PDZD2: variants seen among roughly 807,000 people sequenced by gnomAD.
PDZD2 encodes the protein PDZ domain containing 2, also known as PDZ domain-containing protein 2.
In PDZD2, 90 loss-of-function variants were observed where a neutral mutation model predicts 220.7. That is an observed-to-expected ratio of 0.41 (90% CI 0.34 to 0.49). The LOEUF (loss-of-function observed/expected upper bound fraction) is 0.49. Among genes scored for constraint, PDZD2 ranks in the 20% least tolerant of loss-of-function variants. The probability of loss-of-function intolerance (pLI) is 0.28; values close to 1 mark genes in which losing one functional copy is unlikely to be tolerated. For missense variants in PDZD2, 3,174 were observed against 3,608.5 expected (o/e 0.88, Z 3.08); for synonymous variants, 1,375 against 1,450.5 (o/e 0.95, Z 1.18).
At chr5:31,994,309 G>GT (rs1222012188) in intron 3 of PDZD2, among the ~76,000 whole-genome samples, 4 of 150,350 alleles carry the variant, frequency 2.7e-5, no homozygotes, top group African/African-American at 9.8e-5. Flanking sequence ...CGCCCAGCCT[G>GT]TTTTTTGTTT....
intron 2 of PDZD2, among the ~76,000 whole-genome samples, chr5:31,956,962 C>T (rs190806420): frequency 6.6e-6 from 1 of 152,148 alleles, no homozygotes; most frequent in African/African-American, 2.4e-5. Flanking sequence ...ACGATCATAC[C>T]TCGCTGTAGC....
intron 1 of PDZD2, among the ~76,000 whole-genome samples, chr5:31,721,889 C>T (rs961787708): frequency 6.6e-6 from 1 of 152,134 alleles, no homozygotes; most frequent in East Asian, 1.9e-4. Context: ...CCCCCTAAAT[C>T]TGTTTCTCCT....
intron 6 of PDZD2, among the ~76,000 whole-genome samples, chr5:32,035,082 T>C (rs1289229957): frequency 6.6e-6 from 1 of 152,206 alleles, no homozygotes; most frequent in Non-Finnish European, 1.5e-5. Flanking sequence ...GTTTCCTCAT[T>C]CTCAGACCTT....
chr5:31,943,549 A>G (rs896889988), intron 2 of PDZD2, among the ~76,000 whole-genome samples: 1 of 152,234 alleles, frequency 6.6e-6, no homozygotes, highest in Non-Finnish European at 1.5e-5. Context: ...GGAATGTAAT[A>G]TTTCTGCTTC....
chr5:31,765,847 T>C (rs1475200036), intron 1 of PDZD2, among the ~76,000 whole-genome samples: 1 of 152,138 alleles, frequency 6.6e-6, no homozygotes, highest in Admixed American at 6.6e-5. Context: ...TGGCTAGTCG[T>C]GAGCTGCTGC....
intron 1 of PDZD2, among the ~76,000 whole-genome samples, chr5:31,767,224 G>C (rs1322765875): frequency 6.6e-6 from 1 of 151,874 alleles, no homozygotes; most frequent in Non-Finnish European, 1.5e-5. Flanking sequence ...TAGAGACGGG[G>C]TTTCACCCTG....
chr5:31,970,473 T>G (rs1286601033), intron 2 of PDZD2, among the ~76,000 whole-genome samples: 1 of 151,956 alleles, frequency 6.6e-6, no homozygotes, highest in African/African-American at 2.4e-5. Flanking sequence ...CTGGCCAACG[T>G]GAAGAAACCT....
rs1317904910 is a variant in PDZD2, at chr5:32,101,175, T to A, written c.8289T>A (p.Ser2763Arg). 3.7e-6 allele frequency: 6 copies of A among 1,613,758 alleles called. No individual in the cohort carries two copies. The African/African-American group carries it at 5.3e-5, about 14-fold the overall frequency. The change falls in exon 24 of 25, where the codon AGT (serine) becomes AGA (arginine). Residue 2763 changes from serine to arginine, a missense_variant. Physicochemically the swap from Ser to Arg is moderately radical, Grantham distance 110 (BLOSUM62 -1). Transcript: ENST00000438447. ...VLKTSAGLGL[S>R]LDGGKSSVTG... is the part of the protein sequence containing the mutation. ...AGACCTCGGCTGGGCTGGGACTGAG[T>A]CTGGATGGGGGAAAATCATCGGTGA...
At chr5:31,721,837 G>A (rs1320524347) in intron 1 of PDZD2, among the ~76,000 whole-genome samples, 1 of 151,968 alleles carries the variant, frequency 6.6e-6, no homozygotes, top group African/African-American at 2.4e-5. Flanking sequence ...ATATTTTAAT[G>A]GCGGAGATCG....
At chr5:32,042,283 C>T (rs946184865) in intron 7 of PDZD2, among the ~76,000 whole-genome samples, 14 of 149,960 alleles carry the variant, frequency 9.3e-5, no homozygotes, top group East Asian at 5.9e-4. Flanking sequence ...AACATCTGGC[C>T]GGGCATGGTG....
intron 6 of PDZD2, among the ~76,000 whole-genome samples, chr5:32,028,041 T>C (rs1024489690): frequency 2.0e-5 from 3 of 152,106 alleles, no homozygotes; most frequent in African/African-American, 4.8e-5. Flanking sequence ...CATCTGCAGA[T>C]TTTTTCTTTT....
intron 2 of PDZD2, among the ~76,000 whole-genome samples, chr5:31,890,467 G>A (rs1323650597): frequency 6.6e-6 from 1 of 152,146 alleles, no homozygotes; most frequent in South Asian, 2.1e-4. Flanking sequence ...GTCGATTCCC[G>A]GTAGGGAAAA....
At chr5:31,880,107 A>G (rs1739731851) in intron 2 of PDZD2, among the ~76,000 whole-genome samples, 1 of 151,642 alleles carries the variant, frequency 6.6e-6, no homozygotes, top group Non-Finnish European at 1.5e-5. Flanking sequence ...TTTTTTTAGT[A>G]GAGATGGGGT....
intron 6 of PDZD2, among the ~76,000 whole-genome samples, chr5:32,025,004 A>G (rs1581309074): frequency 1.3e-5 from 2 of 152,228 alleles, no homozygotes; most frequent in South Asian, 4.1e-4. Context: ...TGAGCCTGGA[A>G]CAGCCTCTCT....
At chr5:31,955,535 A>G (rs1747585903) in intron 2 of PDZD2, among the ~76,000 whole-genome samples, 2 of 152,030 alleles carry the variant, frequency 1.3e-5, no homozygotes, top group South Asian at 4.1e-4. Flanking sequence ...TCCCGACCTC[A>G]GGTGATCTGC....
At chr5:31,889,508 A>G (rs1252588251) in intron 2 of PDZD2, among the ~76,000 whole-genome samples, 2 of 152,206 alleles carry the variant, frequency 1.3e-5, no homozygotes, top group Non-Finnish European at 2.9e-5. Context: ...ACTCCTGTTG[A>G]GAAAATGTTT....
At position 32,069,656 on chromosome 5, in the gene PDZD2, G is replaced by T. The variant is rs544053326; in HGVS notation, c.2533+6G>T. On this transcript the variant is annotated splice_donor_region_variant and intron_variant, in intron 15 of 24. Transcript: ENST00000438447. The stretch of plus-strand genomic sequence containing the variant: ...CAATTCCTCTCCTGGCTTAGGTACT[G>T]TAATCTCACATTTTCATTCAACATT... 7.3e-7 allele frequency: 1 copy of T among 1,376,838 alleles called. No homozygotes were observed. The highest frequency in any genetic ancestry group is 1.0e-6 in the Non-Finnish European group (1 of 963,442). The allele number at this position is 1,376,838 out of a possible 1,614,324, so 85.3% of individuals were successfully genotyped here. A position where few individuals can be genotyped will look rare whatever the true frequency, so the allele number is the denominator to read the frequency against.
intron 2 of PDZD2, among the ~76,000 whole-genome samples, chr5:31,902,842 G>GGCAACA (rs1742225293): frequency 6.6e-6 from 1 of 151,434 alleles, no homozygotes. Flanking sequence ...CTCCAGCCTG[G>GGCAACA]ATGACAGTGA....
rs891973750 is a variant in PDZD2, at chr5:32,083,108, T to C, written c.3683-4023T>C. Among the ~76,000 whole-genome samples the C allele has an allele frequency of 1.3e-5, 2 of 152,116 alleles. No individual in the cohort carries two copies. Among genetic ancestry groups the C allele is most frequent in the African/African-American group, 4.8e-5 (2 of 41,428 alleles). ...CAGCTAAGCCCAAGTGAAAAACCTC[T>C]GTTAATATTTTGGTCTGTATCATTT... is the stretch of plus-strand genomic sequence containing the variant. On this transcript the variant is annotated intron_variant, in intron 19 of 24. Coordinates refer to ENST00000438447, the MANE Select transcript of PDZD2 (RefSeq NM_178140.4). This position sits in a 1 kb window ranked among gnomAD's most constrained non-coding sequence, Gnocchi z 4.1.
Sources: gnomAD v4.1 joint callset for allele counts (sites outside exome capture counted in the v4.1 genomes callset) on GRCh38, gnomAD v4.1.1 for gene constraint, Gnocchi (gnomAD v3.1) non-coding constraint, MANE v1.5 for transcripts, NCBI Gene and HGNC (gene_info 2026-07-23, HGNC 2026-07-21) for gene names.